The following ATP10B variants were observed in gnomAD, a reference collection of about 807,000 sequenced individuals.
The protein encoded by ATP10B is ATPase phospholipid transporting 10B (putative).
A neutral mutation model predicts 141.2 loss-of-function variants in ATP10B; 122 were observed. The observed-to-expected ratio is 0.86, with a 90% CI of 0.75 to 1.00. The LOEUF is 1.00. ATP10B is among the 50% of genes least tolerant of loss of function. The pLI, the probability that ATP10B is intolerant of heterozygous loss-of-function variation, is 0.00. For missense variants in ATP10B, 1,876 were observed against 1,825.3 expected, an observed-to-expected ratio of 1.03 and a Z score of -0.51; for synonymous variants, 685 against 692.0, an observed-to-expected ratio of 0.99 and a Z score of 0.16.
At chr5:160,879,757 G>T in the ATP10B span, among the ~76,000 whole-genome samples, 836 of 152,200 alleles carry the variant, frequency 5.5e-3, 9 homozygotes, top group African/African-American at 0.019. Context: ...GGAATGGCGT[G>T]AACCCAGGAG....
intron 18 of ATP10B, chr5:160,612,492 G>T: frequency 3.0e-6 from 1 of 329,214 alleles, no homozygotes; most frequent in Non-Finnish European, 5.6e-6. Flanking sequence ...TTTGGGAGAG[G>T]TAAAACTTTC....
chr5:160,920,503 A>C, the ATP10B span, among the ~76,000 whole-genome samples: 2 of 152,258 alleles, frequency 1.3e-5, no homozygotes, highest in Non-Finnish European at 2.9e-5. Flanking sequence ...CAAGCATGGG[A>C]CATGCAAGGA....
the ATP10B span, among the ~76,000 whole-genome samples, chr5:160,922,165 G>C: frequency 6.6e-6 from 1 of 152,196 alleles, no homozygotes; most frequent in Admixed American, 6.6e-5. Flanking sequence ...CTCAGCTGAA[G>C]GGAAGAGGTA....
chr5:160,770,948 C>T lies in ATP10B; in HGVS notation c.-331+14611G>A, dbSNP rs572421194. Among the ~76,000 whole-genome samples the T allele has an allele frequency of 4.7e-4, 72 of 152,320 alleles. 1 individual carries two copies. The highest frequency in any genetic ancestry group is 1.7e-3 in the African/African-American group (71 of 41,568). On this transcript the variant is annotated intron_variant, in intron 2 of 25. Transcript: ENST00000327245. ...GCATATATTGGGTGGACACCATACA[C>T]TAGGTCTACACATTATTTTCTATCC... is the stretch of plus-strand genomic sequence containing the variant.
chr5:160,739,383 A>C (rs1213892216), intron 2 of ATP10B, among the ~76,000 whole-genome samples: 1 of 152,200 alleles, frequency 6.6e-6, no homozygotes, highest in African/African-American at 2.4e-5. Flanking sequence ...AAAGAGGTAA[A>C]ATTATCTTTA....
intron 1 of ATP10B, among the ~76,000 whole-genome samples, chr5:160,789,707 A>C (rs151040085): frequency 1.3e-5 from 2 of 152,186 alleles, no homozygotes; most frequent in African/African-American, 4.8e-5. Context: ...TACAGACAGG[A>C]AACAGACTCA....
upstream of ATP10B, among the ~76,000 whole-genome samples, chr5:160,852,855 C>A (rs1163759909): frequency 4.0e-5 from 6 of 151,572 alleles, no homozygotes; most frequent in Non-Finnish European, 8.8e-5. Context: ...ATTGATGGGT[C>A]CATAAATAAA....
chr5:160,669,650 T>C (rs1446857399), intron 7 of ATP10B, among the ~76,000 whole-genome samples: 5 of 146,628 alleles, frequency 3.4e-5, no homozygotes, highest in East Asian at 2.0e-4. Context: ...TCTCACTTTA[T>C]TGCCCAGGCT....
rs767535194 is a variant in ATP10B, at chr5:160,632,279, G to A, written c.1470C>T (p.Ala490=). 1.2e-6 allele frequency: 2 copies of A among 1,614,026 alleles called. No homozygotes were observed. Among genetic ancestry groups the A allele is most frequent in the Non-Finnish European group, 1.7e-6 (2 of 1,180,024 alleles). ...GGCTTCTCATAGTTGCTGGATCCTG[G>A]GCCCATCTAGCCGAGAAGGACAGGC... ...YQCLSFSARW[A]QDPATMRSQK... is the part of the protein sequence containing the mutation. Residue 490 remains alanine, a synonymous_variant, in exon 13 of 26, where the codon GCC becomes GCT. Transcript: ENST00000327245.
At chr5:160,775,448 T>C (rs1581508437) in intron 2 of ATP10B, among the ~76,000 whole-genome samples, 1 of 152,170 alleles carries the variant, frequency 6.6e-6, no homozygotes, top group Admixed American at 6.5e-5. Context: ...AGGATTACTA[T>C]AGGAGCATAG....
chr5:160,594,287 T>C (rs2127616231), intron 22 of ATP10B, among the ~76,000 whole-genome samples: 1 of 152,274 alleles, frequency 6.6e-6, no homozygotes, highest in East Asian at 1.9e-4. Context: ...CCAGCCAAAC[T>C]AAGCTTCATA....
chr5:160,854,572 T>C (rs1365108864), upstream of ATP10B, among the ~76,000 whole-genome samples: 5 of 152,180 alleles, frequency 3.3e-5, no homozygotes, highest in Admixed American at 6.5e-5. Flanking sequence ...CAGTCTATCA[T>C]TGATGGGCAT....
chr5:160,911,380 G>A, the ATP10B span, among the ~76,000 whole-genome samples: 1 of 152,138 alleles, frequency 6.6e-6, no homozygotes, highest in Non-Finnish European at 1.5e-5. Flanking sequence ...AGCTTCAATG[G>A]ACCCAAAAGG....
chr5:160,633,474 G>T (rs1363489365), intron 12 of ATP10B: 1 of 152,158 alleles, frequency 6.6e-6, no homozygotes, highest in Non-Finnish European at 1.5e-5. Flanking sequence ...AATACTGCTT[G>T]TTCTCACTCA....
chr5:160,791,534 GT>G (rs1480354974), intron 1 of ATP10B, among the ~76,000 whole-genome samples: 6 of 152,252 alleles, frequency 3.9e-5, no homozygotes, highest in African/African-American at 1.2e-4. Context: ...GTTCTATGGT[GT>G]CACCAGGAAA....
At chr5:160,686,018 C>A in intron 6 of ATP10B, 61 bp downstream of exon 6, 1 of 1,234,260 alleles carries the variant, frequency 8.1e-7, no homozygotes. Context: ...CATCCTGAGG[C>A]TATGCTGATG....
At chr5:160,838,781 C>G (rs1420853335) in intron 1 of ATP10B, among the ~76,000 whole-genome samples, 1 of 152,086 alleles carries the variant, frequency 6.6e-6, no homozygotes, top group Non-Finnish European at 1.5e-5. Flanking sequence ...GGACATTTGT[C>G]CCTCCAATTC....
chr5:160,814,313 A>G (rs1581583737), intron 1 of ATP10B, among the ~76,000 whole-genome samples: 1 of 152,356 alleles, frequency 6.6e-6, no homozygotes, highest in East Asian at 1.9e-4. Context: ...GCTGAAAACC[A>G]TGGCAAGAGA....
At chr5:160,606,659 A>T in intron 19 of ATP10B, 106 bp downstream of exon 19, 1 of 1,132,724 alleles carries the variant, frequency 8.8e-7, no homozygotes, top group Non-Finnish European at 1.3e-6. Context: ...ACAATGACTC[A>T]CAGCCTAAGC....
Sources: gnomAD v4.1 joint callset for allele counts (sites outside exome capture counted in the v4.1 genomes callset) on GRCh38, gnomAD v4.1.1 for gene constraint, MANE v1.5 for transcripts, NCBI Gene and HGNC (gene_info 2026-07-23, HGNC 2026-07-21) for gene names.